KCNK15: variants seen among roughly 807,000 people sequenced by gnomAD.
KCNK15 encodes the protein potassium two pore domain channel subfamily K member 15.
A neutral mutation model predicts 8.5 loss-of-function variants in KCNK15; 9 were observed. The ratio of observed to expected loss-of-function variants is 1.06; its 90% confidence interval spans 0.64 to 1.85. The LOEUF is 1.85. Ranked by LOEUF, KCNK15 falls within the 40% of genes most tolerant of loss-of-function variation. KCNK15 has a pLI of 0.00. For synonymous variants in KCNK15, 224 were observed against 232.7 expected, an observed-to-expected ratio of 0.96 and a Z score of 0.34; for missense variants, 467 against 476.8, an observed-to-expected ratio of 0.98 and a Z score of 0.19.
intron 1 of KCNK15, 37 bp from the exon 2 acceptor site, chr20:44,750,092 G>T (rs1335411874): frequency 6.5e-7 from 1 of 1,544,622 alleles, no homozygotes; most frequent in Non-Finnish European, 8.7e-7. Context: ...GCTGGAGCTG[G>T]GCGCTCACAG....
chr20:44,749,498 G>C (rs2066020039), intron 1 of KCNK15, among the ~76,000 whole-genome samples: 1 of 152,154 alleles, frequency 6.6e-6, no homozygotes, highest in Admixed American at 6.5e-5. Context: ...AGGACATGCT[G>C]ACTGGGGAAG....
In KCNK15 at chr20:44,746,038, A is replaced by G. The variant is rs772443992; in HGVS notation, c.128A>G (p.Gln43Arg). Residue 43 changes from glutamine (Q) to arginine (R), a missense_variant, in exon 1 of 2, where the codon CAG (glutamine) becomes CGG (arginine). Coordinates refer to ENST00000372861, the MANE Select transcript of KCNK15 (RefSeq NM_022358.4). ...AGCGGCCGCCAGCGACTGCTGGTCC[A>G]GAAGCGGGGCGCTCTCCGGAGGAAG... ...AESGRQRLLV[Q>R]KRGALRRKFG... 19 of 1,546,314 alleles carry G rather than the reference A, an allele frequency of 1.2e-5. No individual in the cohort carries two copies. Among genetic ancestry groups the G allele is most frequent in the Non-Finnish European group, 1.6e-5 (18 of 1,146,144 alleles).
rs773040140 is a variant in KCNK15 at position 44,750,651 on chromosome 20, C to T, written c.806C>T (p.Pro269Leu). The T allele has an allele frequency of 2.2e-5, 34 of 1,522,712 alleles. No individual in the cohort carries two copies. The highest frequency in any genetic ancestry group is 2.9e-5 in the Non-Finnish European group (33 of 1,143,638). The allele number at this position is 1,522,712 out of a possible 1,614,324, so 94.3% of individuals were successfully genotyped here. ...CCCAGCCCGCGCCCCCCGGGGGCGC[C>T]CGAGAGCCGTGGCCTCTGGCTGCCC... ...RTPSPRPPGA[P>L]ESRGLWLPRR... The change falls in exon 2 of 2, where the codon CCC (proline) becomes CTC (leucine). Residue 269 changes from proline (P) to leucine (L), a missense_variant. This residue lies in a region of KCNK15 where 455 missense variants were observed against 441.2 expected (regional missense o/e 1.03). Coordinates refer to ENST00000372861, the MANE Select transcript of KCNK15 (RefSeq NM_022358.4).
intron 1 of KCNK15, among the ~76,000 whole-genome samples, chr20:44,747,705 C>T (rs1340333290): frequency 1.3e-5 from 2 of 152,280 alleles, no homozygotes; most frequent in Non-Finnish European, 2.9e-5. Context: ...GGCACCACCA[C>T]CCTCTGTGGT....
rs995969922 is a variant in KCNK15, at chr20:44,750,677, C to A, written c.832C>A (p.Arg278Ser). ...APESRGLWLP[R>S]RPARSVGSAS... ...CGAGAGCCGTGGCCTCTGGCTGCCC[C>A]GCCGCCCGGCCCGCTCCGTGGGCTC... Residue 278 changes from arginine to serine, a missense_variant, in exon 2 of 2, where the codon CGC (arginine) becomes AGC (serine). By Grantham distance (110) the Arg-to-Ser change is moderately radical (BLOSUM62 -1). Around this residue, in one of 2 missense-constraint regions of KCNK15, gnomAD observed 455 missense variants for 441.2 expected, o/e 1.03. Coordinates refer to ENST00000372861, the MANE Select transcript of KCNK15 (RefSeq NM_022358.4). 1 of 1,480,570 alleles carries A rather than the reference C, an allele frequency of 6.8e-7. No homozygotes were observed. Among genetic ancestry groups the A allele is most frequent in the Non-Finnish European group, 8.9e-7 (1 of 1,122,894 alleles). The allele number at this position is 1,480,570 out of a possible 1,614,324, so 91.7% of individuals were successfully genotyped here. A position where few individuals can be genotyped will look rare whatever the true frequency, so the allele number is the denominator to read the frequency against.
Position 44,750,753 on chromosome 20 carries a change from A to G in KCNK15, c.908A>G (p.Asn303Ser). Residue 303 changes from asparagine to serine, a missense_variant, in exon 2 of 2, where the codon AAC becomes AGC. Asn to Ser is a conservative substitution (Grantham distance 46). Around this residue, in one of 2 missense-constraint regions of KCNK15, gnomAD observed 455 missense variants for 441.2 expected, o/e 1.03. Coordinates refer to ENST00000372861, the MANE Select transcript of KCNK15 (RefSeq NM_022358.4). ...VHKLERCARD[N>S]LGFSPPSSPG... ...AAGCTGGAGAGGTGCGCCCGCGACA[A>G]CCTGGGCTTTTCGCCCCCCTCGAGC... 1 of 1,508,354 alleles carries G rather than the reference A, an allele frequency of 6.6e-7. No homozygotes were observed. The highest frequency in any genetic ancestry group is 8.8e-7 in the Non-Finnish European group (1 of 1,132,228). The allele number at this position is 1,508,354 out of a possible 1,614,324, so 93.4% of individuals were successfully genotyped here. A position where few individuals can be genotyped will look rare whatever the true frequency, so the allele number is the denominator to read the frequency against.
intron 1 of KCNK15, 138 bp from the exon 2 acceptor site, chr20:44,749,991 T>C: frequency 1.4e-6 from 1 of 723,556 alleles, no homozygotes; most frequent in Non-Finnish European, 2.2e-6. Flanking sequence ...ATGAATGACC[T>C]AGTTAGGACT....
In KCNK15 at chr20:44,746,413, G is replaced by A. The variant is rs147852103; in HGVS notation, c.283+220G>A. On this transcript the variant is annotated intron_variant, in intron 1 of 1. Transcript: ENST00000372861. ...CTGTCAGCCCACGCAGGCAGGGACG[G>A]GAGGAATCAGTAAATCGAGTTTGCC... Among the ~76,000 whole-genome samples, 211 of 152,290 alleles carry A rather than the reference G, an allele frequency of 1.4e-3. 1 individual carries two copies. Among genetic ancestry groups the A allele is most frequent in the Non-Finnish European group, 2.4e-3 (160 of 68,030 alleles).
intron 1 of KCNK15, among the ~76,000 whole-genome samples, chr20:44,747,538 C>A (rs1384027452): frequency 6.6e-6 from 1 of 152,222 alleles, no homozygotes; most frequent in African/African-American, 2.4e-5. Context: ...GGGATGCCAT[C>A]AACTTGTTCT....
At position 44,750,877 on chromosome 20, in the gene KCNK15, G is replaced by A; in HGVS notation, c.*39G>A. 7.7e-7 allele frequency: 1 copy of A among 1,294,236 alleles called. No homozygotes were observed. The highest frequency in any genetic ancestry group is 9.9e-7 in the Non-Finnish European group (1 of 1,008,512). 80.2% of individuals were successfully genotyped at this position (1,294,236 alleles called of 1,614,324 possible). A position where few individuals can be genotyped will look rare whatever the true frequency, so the allele number is the denominator to read the frequency against. ...GCCAGGGTCGAATCTGGAATGGGAGGGTCTGGCTTCAGCTATCAGGGCACC... is the reference window on the plus strand; with the variant it reads ...GCCAGGGTCGAATCTGGAATGGGAGAGTCTGGCTTCAGCTATCAGGGCACC... On this transcript the variant is annotated 3_prime_UTR_variant, in exon 2 of 2. Transcript: ENST00000372861.
At position 44,750,365 on chromosome 20, in the gene KCNK15, G is replaced by C. The variant is rs2145436374; in HGVS notation, c.520G>C (p.Gly174Arg). Residue 174 changes from glycine (G) to arginine (R), a missense_variant, in exon 2 of 2, where the codon GGG (glycine) becomes CGG (arginine). Physicochemically the swap from Gly to Arg is moderately radical, Grantham distance 125. Transcript: ENST00000372861. Reference sequence around the variant, plus strand: ...GGCGTGTGCCGCCACCCTGGCCCTCGGGGCCGTCGCCTTCTCGCACTTCGA... The same window carrying C: ...GGCGTGTGCCGCCACCCTGGCCCTCCGGGCCGTCGCCTTCTCGCACTTCGA... Reference protein sequence around the residue: ...LLACAATLALGAVAFSHFEGW... With the variant: ...LLACAATLALRAVAFSHFEGW... The C allele has an allele frequency of 6.2e-7, 1 of 1,613,326 alleles. No individual in the cohort carries two copies. The highest frequency in any genetic ancestry group is 2.2e-5 in the East Asian group (1 of 44,864).
chr20:44,748,611 A>G (rs1315798557), intron 1 of KCNK15, among the ~76,000 whole-genome samples: 1 of 152,134 alleles, frequency 6.6e-6, no homozygotes. Context: ...CTCTGCCTAT[A>G]TATTCCTTTA....
chr20:44,746,395 C>A (rs2066008240), intron 1 of KCNK15, among the ~76,000 whole-genome samples: 1 of 152,208 alleles, frequency 6.6e-6, no homozygotes, highest in African/African-American at 2.4e-5. Context: ...GAGCTGTCAG[C>A]CCACGCAGGC....
chr20:44,747,754 C>T (rs780695226), intron 1 of KCNK15, among the ~76,000 whole-genome samples: 8 of 152,262 alleles, frequency 5.3e-5, no homozygotes, highest in Non-Finnish European at 1.2e-4. Context: ...AGCCAGGTGC[C>T]AGGCCCCAGG....
intron 1 of KCNK15, 107 bp from the exon 2 acceptor site, chr20:44,750,022 C>T: frequency 9.6e-7 from 1 of 1,038,846 alleles, no homozygotes. Context: ...GATGCCCTTC[C>T]AGCCCCGGGG....
chr20:44,745,896 C>G lies in KCNK15; in HGVS notation c.-15C>G, dbSNP rs771396603. 7.7e-7 allele frequency: 1 copy of G among 1,290,928 alleles called. No individual in the cohort carries two copies. The highest frequency in any genetic ancestry group is 9.8e-7 in the Non-Finnish European group (1 of 1,017,394). The allele number at this position is 1,290,928 out of a possible 1,614,324, so 80.0% of individuals were successfully genotyped here. Reference sequence around the variant, plus strand: ...AGCAGGTTGGGACCGCGGCGGGTACCGGGGCCGGGGCGCCATGCGGAGGCC... The same window carrying G: ...AGCAGGTTGGGACCGCGGCGGGTACGGGGGCCGGGGCGCCATGCGGAGGCC... On this transcript the variant is annotated 5_prime_UTR_variant, in exon 1 of 2. Transcript: ENST00000372861.
At position 44,746,059 on chromosome 20, in the gene KCNK15, G is replaced by C; in HGVS notation, c.149G>C (p.Arg50Thr). ...GTCCAGAAGCGGGGCGCTCTCCGGA[G>C]GAAGTTCGGCTTCTCGGCCGAGGAC... ...LLVQKRGALR[R>T]KFGFSAEDYR... Residue 50 changes from arginine (R) to threonine (T), a missense_variant, in exon 1 of 2, where the codon AGG becomes ACG. Around this residue, in one of 2 missense-constraint regions of KCNK15, gnomAD observed 455 missense variants for 441.2 expected, o/e 1.03. Transcript: ENST00000372861. The C allele has an allele frequency of 6.4e-7, 1 of 1,553,838 alleles. No homozygotes were observed. Among genetic ancestry groups the C allele is most frequent in the Non-Finnish European group, 8.7e-7 (1 of 1,149,062 alleles).
chr20:44,750,638 C>A lies in KCNK15; in HGVS notation c.793C>A (p.Pro265Thr). 6.4e-7 allele frequency: 1 copy of A among 1,551,302 alleles called. No homozygotes were observed. The highest frequency in any genetic ancestry group is 8.6e-7 in the Non-Finnish European group (1 of 1,158,664). Residue 265 changes from proline (P) to threonine (T), a missense_variant, in exon 2 of 2, where the codon CCC (proline) becomes ACC (threonine). By Grantham distance (38) the Pro-to-Thr change is conservative (BLOSUM62 -1). Around this residue, in one of 2 missense-constraint regions of KCNK15, gnomAD observed 455 missense variants for 441.2 expected, o/e 1.03. Coordinates refer to ENST00000372861, the MANE Select transcript of KCNK15 (RefSeq NM_022358.4). ...CGCTGCCCGCACCCCCAGCCCGCGC[C>A]CCCCGGGGGCGCCCGAGAGCCGTGG... is the stretch of plus-strand genomic sequence containing the variant. ...ERAARTPSPR[P>T]PGAPESRGLW...
At chr20:44,746,685 A>G (rs2066009316) in intron 1 of KCNK15, 1 of 154,296 alleles carries the variant, frequency 6.5e-6, no homozygotes, top group Non-Finnish European at 1.4e-5. Flanking sequence ...CTATGCACAG[A>G]CAAGGCCTGT....
Sources: allele counts gnomAD v4.1 joint callset (sites outside exome capture counted in the v4.1 genomes callset), GRCh38; gene constraint gnomAD v4.1.1; regional missense constraint gnomAD v4.1.1; transcripts MANE v1.5; gene names NCBI Gene and HGNC (gene_info 2026-07-23, HGNC 2026-07-21).